The following TRIO variants were observed in gnomAD, a reference collection of about 807,000 sequenced individuals.
The protein encoded by TRIO is triple functional domain protein.
In TRIO, 58 loss-of-function variants were observed where a neutral mutation model predicts 351.9. That is an observed-to-expected ratio of 0.16 (90% CI 0.13 to 0.21). The LOEUF is 0.21. TRIO is among the 10% of genes least tolerant of loss of function. TRIO has a pLI of 1.00. For synonymous variants in TRIO, 1,758 were observed against 1,595.7 expected (o/e 1.10, Z -2.42); for missense variants, 3,201 against 4,027.8 (o/e 0.79, Z 5.56).
At chr5:14,232,169 G>A (rs1793475541) in intron 1 of TRIO, among the ~76,000 whole-genome samples, 1 of 152,084 alleles carries the variant, frequency 6.6e-6, no homozygotes, top group East Asian at 1.9e-4. Context: ...AGCTGGTAGG[G>A]GCAGAGTTTG....
At chr5:14,432,270 G>A (rs547998389) in intron 34 of TRIO, among the ~76,000 whole-genome samples, 36 of 138,968 alleles carry the variant, frequency 2.6e-4, no homozygotes, top group South Asian at 1.6e-3. Flanking sequence ...AGCAGGGGAC[G>A]TAAAGTGAGA....
At chr5:14,248,912 C>T (rs966272580) in intron 1 of TRIO, among the ~76,000 whole-genome samples, 1 of 152,196 alleles carries the variant, frequency 6.6e-6, no homozygotes, top group Admixed American at 6.5e-5. Context: ...CCAAGCCTGG[C>T]TGACTTCCTG....
intron 46 of TRIO, among the ~76,000 whole-genome samples, chr5:14,483,845 G>C (rs1374015386): frequency 6.6e-6 from 1 of 152,098 alleles, no homozygotes; most frequent in Non-Finnish European, 1.5e-5. Flanking sequence ...CACTACACTT[G>C]AGCCTCCCAT....
At chr5:14,183,827 T>G (rs1180933402) in intron 1 of TRIO, 3 of 640,920 alleles carry the variant, frequency 4.7e-6, no homozygotes, top group Non-Finnish European at 8.6e-6. Flanking sequence ...TGTTTGTTGG[T>G]GTTCTGGGAT....
At chr5:14,478,786 C>A (rs36025923) in intron 41 of TRIO, among the ~76,000 whole-genome samples, 33,955 of 91,364 alleles carry the variant, frequency 0.37, 3,168 homozygotes, top group Middle Eastern at 0.51. Flanking sequence ...TCCATCCCTA[C>A]AAAAAAAAAA....
chr5:14,314,255 G>A (rs1423539309), intron 8 of TRIO, among the ~76,000 whole-genome samples: 1 of 152,154 alleles, frequency 6.6e-6, no homozygotes, highest in African/African-American at 2.4e-5. Context: ...TAATTTATAT[G>A]TGTACATAAA....
chr5:14,374,528 A>T (rs950778890), intron 19 of TRIO, among the ~76,000 whole-genome samples, 185 bp downstream of exon 19: 3 of 152,234 alleles, frequency 2.0e-5, no homozygotes, highest in Non-Finnish European at 2.9e-5. Context: ...TTATAGGTTG[A>T]TATTATATTG....
At chr5:14,483,544 C>T (rs930314644) in intron 46 of TRIO, among the ~76,000 whole-genome samples, 1 of 152,196 alleles carries the variant, frequency 6.6e-6, no homozygotes, top group Non-Finnish European at 1.5e-5. Flanking sequence ...CAGAACATTG[C>T]GTCCTCCCCC....
At chr5:14,217,754 C>T (rs1159009364) in intron 1 of TRIO, among the ~76,000 whole-genome samples, 1 of 152,088 alleles carries the variant, frequency 6.6e-6, no homozygotes, top group African/African-American at 2.4e-5. Context: ...GCACTTTGTT[C>T]CCGGTGTCAG....
chr5:14,498,281 G>A lies in TRIO; in HGVS notation c.8210+30G>A, dbSNP rs745623804. On this transcript the variant is annotated intron_variant, in intron 52 of 56. Transcript: ENST00000344204. ...GGGAGGCCCACTCCTGGTGGGTTTC[G>A]CTGGCTGGGAGCACCATCTTGTCAC... 8.7e-6 allele frequency: 14 copies of A among 1,605,222 alleles called. No homozygotes were observed. In the East Asian group the frequency reaches 1.8e-4, roughly 21 times the overall value.
At chr5:14,168,911 A>C (rs1470867831) in intron 1 of TRIO, among the ~76,000 whole-genome samples, 3 of 152,354 alleles carry the variant, frequency 2.0e-5, no homozygotes, top group Admixed American at 2.0e-4. Flanking sequence ...TCCTGGCGGC[A>C]GACCGTAGTC....
At chr5:14,397,400 C>T (rs530861846) in intron 29 of TRIO, 57 of 391,902 alleles carry the variant, frequency 1.5e-4, no homozygotes, top group African/African-American at 8.4e-4. Flanking sequence ...TCCAATAGCA[C>T]TTTGTGTCGC....
intron 10 of TRIO, among the ~76,000 whole-genome samples, chr5:14,334,254 G>A (rs1470309503): frequency 6.6e-6 from 1 of 152,180 alleles, no homozygotes; most frequent in Non-Finnish European, 1.5e-5. Flanking sequence ...TCCAGTTGCA[G>A]AAGGACCCAG....
intron 1 of TRIO, among the ~76,000 whole-genome samples, chr5:14,253,154 T>G (rs354305): frequency 6.6e-6 from 1 of 152,146 alleles, no homozygotes; most frequent in Admixed American, 6.5e-5. Context: ...AGGACAGGAG[T>G]GCTGCACTTG....
chr5:14,187,082 C>T (rs1790166078), intron 1 of TRIO, among the ~76,000 whole-genome samples: 6 of 152,150 alleles, frequency 3.9e-5, no homozygotes, highest in Admixed American at 3.9e-4. Context: ...AGTTACTTGT[C>T]CAAGGCAGCC....
chr5:14,442,765 T>A (rs1752166705), intron 34 of TRIO, among the ~76,000 whole-genome samples: 2 of 152,222 alleles, frequency 1.3e-5, no homozygotes, highest in South Asian at 4.1e-4. Context: ...AATGTAGTAA[T>A]TTCTGTGCAG....
intron 55 of TRIO, 111 bp from the exon 56 acceptor site, chr5:14,507,011 C>T (rs952171417): frequency 1.7e-5 from 24 of 1,394,094 alleles, no homozygotes; most frequent in African/African-American, 1.0e-4. Flanking sequence ...CCTGAGATCC[C>T]GATGACACAT....
intron 34 of TRIO, chr5:14,440,888 G>C (rs956616997): frequency 1.3e-5 from 2 of 152,208 alleles, no homozygotes; most frequent in African/African-American, 4.8e-5. Flanking sequence ...CAGGCGGGGA[G>C]AGACATCTGG....
chr5:14,302,076 T>C (rs920142978), intron 7 of TRIO, among the ~76,000 whole-genome samples: 1 of 152,222 alleles, frequency 6.6e-6, no homozygotes, highest in Non-Finnish European at 1.5e-5. Flanking sequence ...CAGGATACTT[T>C]AAGAAATTAT....
Sources: gnomAD v4.1 joint callset for allele counts (sites outside exome capture counted in the v4.1 genomes callset) on GRCh38, gnomAD v4.1.1 for gene constraint, MANE v1.5 for transcripts, NCBI Gene and HGNC (gene_info 2026-07-23, HGNC 2026-07-21) for gene names.